OR3A2: variants seen among roughly 807,000 people sequenced by gnomAD.
OR3A2 encodes the protein olfactory receptor 3A2.
For synonymous variants in OR3A2, 126 were observed against 159.3 expected (o/e 0.79, Z 1.57); for missense variants, 318 against 392.8 (o/e 0.81, Z 1.61).
At chr17:3,346,280 A>G (rs575424260) in intron 2 of OR3A2, among the ~76,000 whole-genome samples, 1 of 152,284 alleles carries the variant, frequency 6.6e-6, no homozygotes, top group South Asian at 2.1e-4. Context: ...GTAGGTGTAC[A>G]TATTTATAAG....
At chr17:3,339,499 G>C (rs1430747938) in intron 2 of OR3A2, among the ~76,000 whole-genome samples, 1 of 152,136 alleles carries the variant, frequency 6.6e-6, no homozygotes, top group Non-Finnish European at 1.5e-5. Flanking sequence ...GTTGAATTTT[G>C]TCAAAGGCCT....
intron 3 of OR3A2, among the ~76,000 whole-genome samples, chr17:3,317,250 G>A (rs804231): frequency 0.69 from 105,242 of 152,096 alleles, 37,985 homozygotes; most frequent in East Asian, 1. Flanking sequence ...AACAGAAAGA[G>A]GTGAGCTTTG....
At chr17:3,323,378 G>A (rs1018597823) in intron 3 of OR3A2, among the ~76,000 whole-genome samples, 9 of 152,136 alleles carry the variant, frequency 5.9e-5, no homozygotes, top group South Asian at 2.1e-4. Flanking sequence ...ATATCGTTAC[G>A]TGTGAATTTG....
chr17:3,361,625 A>C (rs1303518788), intron 2 of OR3A2, among the ~76,000 whole-genome samples: 1 of 151,726 alleles, frequency 6.6e-6, no homozygotes, highest in Non-Finnish European at 1.5e-5. Flanking sequence ...TTTAGCATGA[A>C]AGGTTGTTGA....
chr17:3,325,511 G>C (rs926694162), intron 3 of OR3A2, among the ~76,000 whole-genome samples: 2 of 151,800 alleles, frequency 1.3e-5, no homozygotes. Flanking sequence ...CACCCTGCCT[G>C]TTCTAAATGT....
intron 3 of OR3A2, among the ~76,000 whole-genome samples, chr17:3,313,048 T>G (rs2049056777): frequency 6.6e-6 from 1 of 152,192 alleles, no homozygotes; most frequent in Non-Finnish European, 1.5e-5. Context: ...GGGAATATCA[T>G]TTGCAATTTA....
chr17:3,323,391 C>T (rs1367369560), intron 3 of OR3A2, among the ~76,000 whole-genome samples: 1 of 152,010 alleles, frequency 6.6e-6, no homozygotes, highest in Admixed American at 6.6e-5. Context: ...TGAATTTGAT[C>T]TTGTCATTAT....
At chr17:3,312,684 G>C (rs563861987) in intron 3 of OR3A2, among the ~76,000 whole-genome samples, 1 of 152,306 alleles carries the variant, frequency 6.6e-6, no homozygotes, top group East Asian at 1.9e-4. Flanking sequence ...GAGTGCAGCG[G>C]CACGATCTTG....
chr17:3,305,633 T>C (rs1325210747), intron 3 of OR3A2, among the ~76,000 whole-genome samples: 1 of 152,214 alleles, frequency 6.6e-6, no homozygotes, highest in Non-Finnish European at 1.5e-5. Flanking sequence ...AAGTGAATGT[T>C]AGCACATGCA....
At chr17:3,278,597 G>A (rs267604818) in exon 2 of OR3A2, 1 of 1,602,392 alleles carries the variant, frequency 6.2e-7, no homozygotes, top group East Asian at 2.2e-5. Flanking sequence ...CCAGAAGGTG[G>A]AAGAAGAAGA....
chr17:3,289,618 C>T (rs2048846487), intron 3 of OR3A2, among the ~76,000 whole-genome samples: 1 of 152,198 alleles, frequency 6.6e-6, no homozygotes, highest in African/African-American at 2.4e-5. Flanking sequence ...TCAGGGTAAA[C>T]AGATACAGTC....
intron 3 of OR3A2, among the ~76,000 whole-genome samples, chr17:3,333,945 G>T (rs2056755692): frequency 6.6e-6 from 1 of 151,938 alleles, no homozygotes; most frequent in Non-Finnish European, 1.5e-5. Context: ...GTGGGCAAAG[G>T]ACATGAACAG....
At chr17:3,324,594 G>A (rs1402080940) in intron 3 of OR3A2, among the ~76,000 whole-genome samples, 3 of 152,126 alleles carry the variant, frequency 2.0e-5, no homozygotes, top group Admixed American at 6.5e-5. Context: ...ACCATCAGCT[G>A]CAGGTCTGTT....
chr17:3,351,084 A>G (rs1229508853), intron 2 of OR3A2, among the ~76,000 whole-genome samples: 2 of 151,508 alleles, frequency 1.3e-5, no homozygotes, highest in Non-Finnish European at 3.0e-5. Context: ...ATCATACTGA[A>G]TGGGCAAAAG....
At chr17:3,290,210 T>C (rs2048852988) in intron 3 of OR3A2, among the ~76,000 whole-genome samples, 1 of 152,188 alleles carries the variant, frequency 6.6e-6, no homozygotes, top group South Asian at 2.1e-4. Flanking sequence ...TGGTTATTGC[T>C]GGAAAACATA....
chr17:3,322,188 A>G (rs1373841602), intron 3 of OR3A2, among the ~76,000 whole-genome samples: 4 of 152,066 alleles, frequency 2.6e-5, no homozygotes, highest in Non-Finnish European at 5.9e-5. Context: ...CTCTGATGGT[A>G]GTTTGTATTT....
At chr17:3,352,710 C>T (rs1171075756) in intron 2 of OR3A2, among the ~76,000 whole-genome samples, 1 of 151,828 alleles carries the variant, frequency 6.6e-6, no homozygotes, top group Non-Finnish European at 1.5e-5. Context: ...CTTTTTGCTT[C>T]AGGATAGCTT....
At chr17:3,363,287 C>T (rs767710621) in intron 2 of OR3A2, among the ~76,000 whole-genome samples, 2 of 151,758 alleles carry the variant, frequency 1.3e-5, no homozygotes, top group African/African-American at 2.4e-5. Context: ...ACAGCTAGGT[C>T]GCATCTTGAA....
At chr17:3,338,396 T>C (rs1428960439) in intron 2 of OR3A2, among the ~76,000 whole-genome samples, 2 of 152,222 alleles carry the variant, frequency 1.3e-5, no homozygotes, top group African/African-American at 4.8e-5. Flanking sequence ...AGGGTTTTTA[T>C]GGTTTTAGGC....
Sources: gnomAD v4.1 joint callset for allele counts (sites outside exome capture counted in the v4.1 genomes callset) on GRCh38, gnomAD v4.1.1 for gene constraint, MANE v1.5 for transcripts, NCBI Gene and HGNC (gene_info 2026-07-23, HGNC 2026-07-21) for gene names.